RFX8: variants seen among roughly 807,000 people sequenced by gnomAD.
RFX8 encodes regulatory factor X8.
Under a neutral mutation model 54.6 loss-of-function variants are expected in RFX8, and 46 were observed. The observed-to-expected ratio is 0.84, with a 90% confidence interval of 0.67 to 1.08. The LOEUF is 1.08. Ranked by LOEUF, RFX8 falls within the 50% of genes least tolerant of loss-of-function variation. RFX8 has a pLI of 0.00. For missense variants in RFX8, 536 were observed against 562.3 expected (o/e 0.95, Z 0.47); for synonymous variants, 192 against 209.5 (o/e 0.92, Z 0.72).
At position 101,420,434 on chromosome 2, in the gene RFX8, C is replaced by T. The variant is rs760424160; in HGVS notation, c.237+1290G>A. On this transcript the variant is annotated intron_variant, in intron 4 of 11. Transcript: ENST00000428343. Reference sequence around the variant, plus strand: ...TGGTGGGCGCCTGTGATCCCAGCTACTCGGTAGGCTGAGGCAGGAGAATCG... The same window carrying T: ...TGGTGGGCGCCTGTGATCCCAGCTATTCGGTAGGCTGAGGCAGGAGAATCG... Among the ~76,000 whole-genome samples the T allele has an allele frequency of 1.8e-3, 270 of 152,104 alleles. 1 individual carries two copies. The highest frequency in any genetic ancestry group is 2.9e-3 in the Non-Finnish European group (199 of 67,982).
intron 7 of RFX8, among the ~76,000 whole-genome samples, chr2:101,414,459 A>C (rs1573376256): frequency 6.7e-6 from 1 of 148,772 alleles, no homozygotes; most frequent in South Asian, 2.1e-4. Flanking sequence ...TTTTTGATAG[A>C]GACAGGGTTT....
intron 9 of RFX8, among the ~76,000 whole-genome samples, chr2:101,410,234 CACAT>C (rs941708378): frequency 4.0e-5 from 6 of 151,804 alleles, no homozygotes; most frequent in African/African-American, 1.5e-4. Flanking sequence ...TGCTCACCCA[CACAT>C]ACATACTGCA....
intron 11 of RFX8, 118 bp downstream of exon 11, chr2:101,402,318 A>G: frequency 3.3e-6 from 3 of 906,720 alleles, no homozygotes; most frequent in Non-Finnish European, 4.9e-6. Context: ...TAGGGTAAAG[A>G]TGACTGTAGA....
intron 2 of RFX8, among the ~76,000 whole-genome samples, chr2:101,454,530 C>G (rs1255606127): frequency 6.6e-6 from 1 of 152,154 alleles, no homozygotes; most frequent in African/African-American, 2.4e-5. Flanking sequence ...AAAAGCATTC[C>G]TATTTCTCCA....
intron 5 of RFX8, among the ~76,000 whole-genome samples, chr2:101,418,299 A>G (rs1477228972): frequency 1.3e-5 from 2 of 152,242 alleles, no homozygotes; most frequent in African/African-American, 4.8e-5. Flanking sequence ...GGCTGAACCC[A>G]GCTTCTAGTT....
intron 2 of RFX8, among the ~76,000 whole-genome samples, chr2:101,435,494 A>G (rs1687729366): frequency 6.6e-6 from 1 of 152,166 alleles, no homozygotes; most frequent in South Asian, 2.1e-4. Flanking sequence ...AGAGGTAGAG[A>G]ATAAAGGTTA....
At chr2:101,408,149 C>T (rs867882708) in intron 9 of RFX8, among the ~76,000 whole-genome samples, 10 of 152,128 alleles carry the variant, frequency 6.6e-5, no homozygotes, top group African/African-American at 2.2e-4. Context: ...CAATGTAGGA[C>T]GACAGGGTTG....
rs1390904701 is a variant in RFX8, at chr2:101,409,478, G to A, written c.813+1141C>T. ...CCTGACCTTGTGATCTGCCTGCCTC[G>A]GCCACCCAAAGTGCTGGGATTACAG... On this transcript the variant is annotated intron_variant, in intron 9 of 11. Transcript: ENST00000428343. Among the ~76,000 whole-genome samples the A allele has an allele frequency of 6.6e-5, 10 of 151,554 alleles. No individual in the cohort carries two copies. In the East Asian group the frequency reaches 1.2e-3, roughly 18 times the overall value.
intron 2 of RFX8, among the ~76,000 whole-genome samples, chr2:101,429,364 A>G (rs920416987): frequency 6.6e-6 from 1 of 152,238 alleles, no homozygotes; most frequent in African/African-American, 2.4e-5. Context: ...TAAATGATTG[A>G]TACAGAAATG....
chr2:101,400,927 G>A (rs868743696), intron 11 of RFX8, among the ~76,000 whole-genome samples: 1 of 152,190 alleles, frequency 6.6e-6, no homozygotes, highest in Non-Finnish European at 1.5e-5. Context: ...CGCCTCTTCA[G>A]ATCTAACTGG....
chr2:101,472,383 T>C (rs1690054238), intron 1 of RFX8, among the ~76,000 whole-genome samples: 1 of 152,196 alleles, frequency 6.6e-6, no homozygotes, highest in Admixed American at 6.5e-5. Context: ...ATTACAGGCC[T>C]GAGCCACCGC....
intron 9 of RFX8, among the ~76,000 whole-genome samples, chr2:101,408,088 C>CT (rs1685851264): frequency 6.6e-6 from 1 of 152,194 alleles, no homozygotes; most frequent in African/African-American, 2.4e-5. Flanking sequence ...TTTGTGAGGG[C>CT]TGAAGGCACA....
At chr2:101,406,139 T>C in intron 9 of RFX8, 82 bp from the exon 10 acceptor site, 1 of 730,526 alleles carries the variant, frequency 1.4e-6, no homozygotes, top group Non-Finnish European at 2.3e-6. Flanking sequence ...CACACATTTG[T>C]CATGCACACG....
Position 101,402,557 on chromosome 2 carries a change from GGGCTGGCACAC to G in RFX8, c.1113_1123del (p.Cys372GlnfsTer40). On this transcript the variant is annotated frameshift_variant, in exon 11 of 12. Transcript: ENST00000428343. LOFTEE classifies it high-confidence loss of function. Reference sequence around the variant, plus strand: ...CATCACCCCCAGTGGCTCCATGCTGGGGCTGGCACACGCCTGCGACAGTGAGGAATTCAGAG... The same window carrying G: ...CATCACCCCCAGTGGCTCCATGCTGGGCCTGCGACAGTGAGGAATTCAGAG... 6.4e-7 allele frequency: 1 copy of G among 1,551,890 alleles called. No homozygotes were observed. Among genetic ancestry groups the G allele is most frequent in the South Asian group, 1.2e-5 (1 of 84,060 alleles).
Position 101,412,899 on chromosome 2 carries a change from G to T in RFX8, c.718+16C>A. The T allele has an allele frequency of 6.5e-7, 1 of 1,544,510 alleles. No homozygotes were observed. Among genetic ancestry groups the T allele is most frequent in the South Asian group, 1.2e-5 (1 of 83,078 alleles). On this transcript the variant is annotated intron_variant, in intron 8 of 11. Coordinates refer to ENST00000428343, the MANE Select transcript of RFX8 (RefSeq NM_001145664.2). Reference sequence around the variant, plus strand: ...GCCCAACACGCCAATAAAGCAAGCTGCAGAAGGAAGATTACATTTCATCTC... The same window carrying T: ...GCCCAACACGCCAATAAAGCAAGCTTCAGAAGGAAGATTACATTTCATCTC...
chr2:101,428,460 C>T (rs1687307972), intron 2 of RFX8, among the ~76,000 whole-genome samples: 1 of 152,186 alleles, frequency 6.6e-6, no homozygotes, highest in Admixed American at 6.5e-5. Flanking sequence ...GACTTCCAGC[C>T]TCTGGAACTG....
intron 1 of RFX8, among the ~76,000 whole-genome samples, chr2:101,469,082 G>GTA (rs398104558): frequency 0.55 from 27,109 of 49,108 alleles, 5,087 homozygotes; most frequent in Admixed American, 0.66. Flanking sequence ...ATATATAAGT[G>GTA]TATATATATA....
chr2:101,423,556 G>C (rs1415348415), intron 2 of RFX8, among the ~76,000 whole-genome samples: 2 of 152,162 alleles, frequency 1.3e-5, no homozygotes, highest in African/African-American at 4.8e-5. Flanking sequence ...ACGCCAGACT[G>C]TGACTTTTCA....
chr2:101,451,011 C>G, intron 2 of RFX8, among the ~76,000 whole-genome samples: 1 of 152,074 alleles, frequency 6.6e-6, no homozygotes, highest in East Asian at 1.9e-4. Context: ...CCCCGACCCC[C>G]CAGCACCCAT....
Sources: allele counts gnomAD v4.1 joint callset (sites outside exome capture counted in the v4.1 genomes callset), GRCh38; gene constraint gnomAD v4.1.1; transcripts MANE v1.5; gene names NCBI Gene and HGNC (gene_info 2026-07-23, HGNC 2026-07-21).